Variants in AXDND1 observed in about 807,000 individuals in gnomAD.
AXDND1 encodes the protein axonemal dynein light chain domain containing 1.
A neutral mutation model predicts 137.5 loss-of-function variants in AXDND1; 110 were observed. That is an observed-to-expected ratio of 0.80 (90% confidence interval 0.69 to 0.94). AXDND1 has a LOEUF of 0.94. AXDND1 is among the 40% of genes least tolerant of loss of function. The pLI is 0.00. For missense variants in AXDND1, 1,191 were observed against 1,169.8 expected, an observed-to-expected ratio of 1.02 and a Z score of -0.26; for synonymous variants, 414 against 399.7, an observed-to-expected ratio of 1.04 and a Z score of -0.43.
chr1:179,523,603 G>A (rs1439244808), intron 21 of AXDND1, among the ~76,000 whole-genome samples: 1 of 152,082 alleles, frequency 6.6e-6, no homozygotes, highest in Admixed American at 6.6e-5. Context: ...TGCCTATTCT[G>A]GACATGTCAT....
intron 1 of AXDND1, 26 bp from the exon 2 acceptor site, chr1:179,366,378 T>TA: frequency 3.2e-6 from 2 of 624,380 alleles, no homozygotes; most frequent in Non-Finnish European, 2.7e-6. Context: ...TTTTTTTTTT[T>TA]TAAATCTTTT....
rs1256435374 is a variant in AXDND1, at chr1:179,429,498, A to G, written c.1231-20A>G. On this transcript the variant is annotated intron_variant, in intron 12 of 25. Coordinates refer to ENST00000367618, the MANE Select transcript of AXDND1 (RefSeq NM_144696.6). ...TTGCTAATGTTTTAGGTTCCTGATT[A>G]TAGTACATTATTTTTATAGGTGATT... 4 of 1,306,980 alleles carry G rather than the reference A, an allele frequency of 3.1e-6. No individual in the cohort carries two copies. The highest frequency in any genetic ancestry group is 4.2e-6 in the Non-Finnish European group (4 of 959,748). The allele number at this position is 1,306,980 out of a possible 1,614,324, so 81.0% of individuals were successfully genotyped here. A position where few individuals can be genotyped will look rare whatever the true frequency, so the allele number is the denominator to read the frequency against.
intron 15 of AXDND1, among the ~76,000 whole-genome samples, chr1:179,434,656 T>A (rs182975225): frequency 2.6e-5 from 4 of 152,318 alleles, no homozygotes; most frequent in Non-Finnish European, 1.5e-5. Flanking sequence ...TCAACATCCC[T>A]TTATGTTAAA....
At chr1:179,370,140 AT>A in intron 4 of AXDND1, 62 bp downstream of exon 4, 2 of 1,331,044 alleles carry the variant, frequency 1.5e-6, no homozygotes, top group Non-Finnish European at 2.1e-6. Context: ...ATTTTGAATG[AT>A]TACCTTGGGA....
chr1:179,468,703 C>A, intron 17 of AXDND1, 62 bp downstream of exon 17: 1 of 1,283,936 alleles, frequency 7.8e-7, no homozygotes, highest in Non-Finnish European at 1.1e-6. Context: ...TTGCAATACA[C>A]TTCATATATA....
Position 179,488,634 on chromosome 1 carries a change from C to CTT in AXDND1, c.2092-2904_2092-2903insTT, listed in dbSNP as rs376189496. ...TTTCTTTCTTTCTCTCTCTCTCTCT[C>CTT]CTTTCTTTCTTTCTTTCTTTCTTTC... On this transcript the variant is annotated intron_variant, in intron 18 of 25. Coordinates refer to ENST00000367618, the MANE Select transcript of AXDND1 (RefSeq NM_144696.6). Among the ~76,000 whole-genome samples, 244 of 105,254 alleles carry CTT rather than the reference C, an allele frequency of 2.3e-3. 42 individuals carry two copies. The highest frequency in any genetic ancestry group is 7.6e-3 in the African/African-American group (196 of 25,656). 69.1% of individuals were successfully genotyped at this position (105,254 alleles called of 152,430 possible). A position where few individuals can be genotyped will look rare whatever the true frequency, so the allele number is the denominator to read the frequency against.
intron 16 of AXDND1, among the ~76,000 whole-genome samples, chr1:179,447,349 C>A (rs12729491): frequency 0.29 from 44,677 of 152,088 alleles, 6,783 homozygotes; most frequent in Non-Finnish European, 0.31. Context: ...TCATTTAACA[C>A]AATAACCTCC....
At chr1:179,399,430 A>G (rs1264644236) in intron 11 of AXDND1, among the ~76,000 whole-genome samples, 1 of 152,186 alleles carries the variant, frequency 6.6e-6, no homozygotes, top group Non-Finnish European at 1.5e-5. Context: ...AATCAACTCA[A>G]GATGAACTAA....
chr1:179,456,756 C>T, intron 16 of AXDND1: 1 of 782,158 alleles, frequency 1.3e-6, no homozygotes, highest in South Asian at 1.3e-5. Flanking sequence ...ACTACTTTGA[C>T]CTCTTTGGCT....
In AXDND1 at chr1:179,370,012, A is replaced by C; in HGVS notation, c.308A>C (p.His103Pro). Residue 103 changes from histidine (H) to proline (P), a missense_variant, in exon 4 of 26, where the codon CAC becomes CCC. His to Pro is a moderately conservative substitution (Grantham distance 77, BLOSUM62 -2). Transcript: ENST00000367618. ...CGCCTTGTAGACCATGTCTGGCATC[A>C]CCCTGTTCGAAGGAATAAATTCAAA... The part of the protein sequence containing the change: ...LPRLVDHVWH[H>P]PVRRNKFKYL... 1.2e-6 allele frequency: 2 copies of C among 1,614,004 alleles called. No homozygotes were observed. The highest frequency in any genetic ancestry group is 3.3e-4 in the Middle Eastern group (2 of 6,062).
intron 12 of AXDND1, among the ~76,000 whole-genome samples, chr1:179,415,487 A>G (rs1654555569): frequency 6.6e-6 from 1 of 152,234 alleles, no homozygotes; most frequent in Non-Finnish European, 1.5e-5. Context: ...ATTTTCAAAA[A>G]AATAGTAGCT....
chr1:179,551,844 G>C (rs567193730), intron 25 of AXDND1: 2 of 253,492 alleles, frequency 7.9e-6, no homozygotes, highest in Non-Finnish European at 1.5e-5. Flanking sequence ...AAGTGAAAGT[G>C]CTGAGCTCAC....
intron 12 of AXDND1, among the ~76,000 whole-genome samples, chr1:179,428,574 A>G (rs1260358125): frequency 2.0e-5 from 3 of 152,270 alleles, no homozygotes; most frequent in Non-Finnish European, 4.4e-5. Flanking sequence ...TAAGAGCTTC[A>G]AGAAATCAAA....
chr1:179,409,623 G>A (rs1343813066), intron 11 of AXDND1, among the ~76,000 whole-genome samples: 2 of 152,166 alleles, frequency 1.3e-5, no homozygotes, highest in Non-Finnish European at 2.9e-5. Flanking sequence ...GCTCATGCCT[G>A]TAATCCCAGC....
At chr1:179,533,686 G>A (rs1463860859) in intron 23 of AXDND1, 109 bp from the exon 24 acceptor site, 4 of 740,442 alleles carry the variant, frequency 5.4e-6, no homozygotes, top group Admixed American at 4.1e-5. Flanking sequence ...ATAGATATGG[G>A]TAGTAGACAA....
At chr1:179,537,710 A>C (rs1459052870) in intron 25 of AXDND1, among the ~76,000 whole-genome samples, 3 of 152,166 alleles carry the variant, frequency 2.0e-5, no homozygotes, top group Non-Finnish European at 4.4e-5. Context: ...GGCCTCATAA[A>C]ATAAGTTAGG....
At chr1:179,498,259 A>G (rs942871623) in intron 20 of AXDND1, among the ~76,000 whole-genome samples, 7 of 152,136 alleles carry the variant, frequency 4.6e-5, no homozygotes, top group Non-Finnish European at 8.8e-5. Context: ...TTCAAACTAT[A>G]TAATAAAGTA....
chr1:179,418,611 G>T (rs1224236998), intron 12 of AXDND1, among the ~76,000 whole-genome samples: 1 of 150,118 alleles, frequency 6.7e-6, no homozygotes, highest in Non-Finnish European at 1.5e-5. Context: ...GGCTGGCCGG[G>T]CGGGGGGCTG....
intron 12 of AXDND1, among the ~76,000 whole-genome samples, chr1:179,413,415 G>C (rs183086814): frequency 9.9e-5 from 15 of 152,124 alleles, no homozygotes; most frequent in Admixed American, 8.5e-4. Flanking sequence ...CCCACTTTTG[G>C]AGTCACCAGT....
Sources: allele counts gnomAD v4.1 joint callset (sites outside exome capture counted in the v4.1 genomes callset), GRCh38; gene constraint gnomAD v4.1.1; transcripts MANE v1.5; gene names NCBI Gene and HGNC (gene_info 2026-07-23, HGNC 2026-07-21).